The following CELF2 variants were observed in gnomAD, a reference collection of about 807,000 sequenced individuals.
CELF2 encodes the protein CUG triplet repeat RNA-binding protein 2.
Under a neutral mutation model 62.6 loss-of-function variants are expected in CELF2, and 8 were observed. The observed-to-expected ratio is 0.13, with a 90% CI of 0.07 to 0.23. The LOEUF (loss-of-function observed/expected upper bound fraction) is 0.23, where lower values mean the gene tolerates loss of function less well. CELF2 is among the 10% of genes least tolerant of loss of function. The probability of loss-of-function intolerance (pLI) is 1.00; values close to 1 mark genes in which losing one functional copy is unlikely to be tolerated. For synonymous variants in CELF2, 258 were observed against 250.0 expected, an observed-to-expected ratio of 1.03 and a Z score of -0.30; for missense variants, 333 against 671.0, an observed-to-expected ratio of 0.50 and a Z score of 5.56.
chr10:11,144,902 A>C (rs1407872630), intron 1 of CELF2, among the ~76,000 whole-genome samples: 3 of 125,754 alleles, frequency 2.4e-5, no homozygotes, highest in Non-Finnish European at 5.1e-5. Flanking sequence ...AGGAAACAGA[A>C]AAAAAAAAAA....
the CELF2 span, among the ~76,000 whole-genome samples, chr10:10,468,829 A>G: frequency 2.0e-5 from 3 of 151,900 alleles, no homozygotes; most frequent in Middle Eastern, 3.2e-3. Context: ...AGCATCAGTG[A>G]TCTCATTCTT....
chr10:10,882,668 C>T (rs1367756875), intron 1 of CELF2, among the ~76,000 whole-genome samples: 1 of 152,172 alleles, frequency 6.6e-6, no homozygotes, highest in Non-Finnish European at 1.5e-5. Context: ...GGGAAAATAT[C>T]ATACTTAATG....
the CELF2 span, among the ~76,000 whole-genome samples, chr10:10,510,714 A>T: frequency 3.3e-5 from 5 of 152,024 alleles, no homozygotes; most frequent in African/African-American, 1.2e-4. Context: ...GTATCAGATA[A>T]TGATAAGTGT....
chr10:10,479,618 A>G, the CELF2 span, among the ~76,000 whole-genome samples: 1 of 152,188 alleles, frequency 6.6e-6, no homozygotes, highest in Non-Finnish European at 1.5e-5. Flanking sequence ...TTTCTAAGGT[A>G]GGGTCTGATT....
intron 1 of CELF2, among the ~76,000 whole-genome samples, chr10:10,802,132 T>A (rs1590517220): frequency 1.3e-5 from 2 of 152,262 alleles, no homozygotes; most frequent in South Asian, 4.2e-4. Flanking sequence ...AAAGTATTCT[T>A]GGTACACAGA....
At chr10:10,977,152 A>C (rs895701645) in intron 2 of CELF2, among the ~76,000 whole-genome samples, 1 of 152,212 alleles carries the variant, frequency 6.6e-6, no homozygotes, top group Non-Finnish European at 1.5e-5. Flanking sequence ...GGATTCCAGA[A>C]CCTGAAGCTG....
intron 2 of CELF2, among the ~76,000 whole-genome samples, chr10:11,186,686 A>G (rs2075028866): frequency 1.3e-5 from 2 of 152,174 alleles, no homozygotes; most frequent in Admixed American, 6.5e-5. Flanking sequence ...TTTTTTCAGT[A>G]CTGACATGAT....
the CELF2 span, among the ~76,000 whole-genome samples, chr10:10,477,952 TG>T: frequency 6.6e-6 from 1 of 152,192 alleles, no homozygotes; most frequent in African/African-American, 2.4e-5. Flanking sequence ...TCAGAATATC[TG>T]TAATACAATT....
At chr10:11,101,883 G>A (rs1359440463) in intron 1 of CELF2, among the ~76,000 whole-genome samples, 1 of 152,148 alleles carries the variant, frequency 6.6e-6, no homozygotes, top group Non-Finnish European at 1.5e-5. Context: ...AATAATGACA[G>A]GAAAATATCA....
At chr10:10,746,556 T>C in the CELF2 span, among the ~76,000 whole-genome samples, 2 of 152,198 alleles carry the variant, frequency 1.3e-5, no homozygotes, top group Non-Finnish European at 2.9e-5. Flanking sequence ...AGCCTGAAAA[T>C]TGAGTTCTAA....
At chr10:10,555,743 C>A in the CELF2 span, among the ~76,000 whole-genome samples, 2 of 152,144 alleles carry the variant, frequency 1.3e-5, no homozygotes, top group Non-Finnish European at 2.9e-5. Context: ...CACACACATG[C>A]ACTCACACTC....
chr10:11,196,034 GA>G (rs5783195), intron 2 of CELF2, among the ~76,000 whole-genome samples: 3,264 of 146,594 alleles, frequency 0.022, 101 homozygotes, highest in African/African-American at 0.074. Flanking sequence ...AGGCAGGGGA[GA>G]AAAAAAAAAA....
intron 1 of CELF2, among the ~76,000 whole-genome samples, chr10:10,903,595 A>T (rs956862881): frequency 1.3e-5 from 2 of 152,230 alleles, no homozygotes; most frequent in East Asian, 3.8e-4. Context: ...TTGACTCCGT[A>T]CATATTTCAG....
chr10:10,585,333 C>G, the CELF2 span, among the ~76,000 whole-genome samples: 10 of 152,308 alleles, frequency 6.6e-5, no homozygotes, highest in African/African-American at 2.2e-4. Flanking sequence ...GACTGGCCCA[C>G]AGCCATTCAT....
At chr10:10,837,171 G>A (rs148103684) in intron 1 of CELF2, among the ~76,000 whole-genome samples, 4 of 152,150 alleles carry the variant, frequency 2.6e-5, no homozygotes, top group African/African-American at 9.7e-5. Flanking sequence ...ACACGTTGTG[G>A]GAGGGACCCA....
chr10:10,740,231 C>T, the CELF2 span, among the ~76,000 whole-genome samples: 2 of 114,938 alleles, frequency 1.7e-5, no homozygotes, highest in African/African-American at 6.7e-5. Flanking sequence ...CCTGTGTTTT[C>T]TTCTAGTAGT....
At chr10:10,660,704 TA>T in the CELF2 span, among the ~76,000 whole-genome samples, 1 of 152,220 alleles carries the variant, frequency 6.6e-6, no homozygotes, top group Middle Eastern at 3.2e-3. Flanking sequence ...CTAAAATGTG[TA>T]ATAGAAGAAA....
In CELF2 at chr10:10,933,930, T is replaced by C. The variant is rs545098356; in HGVS notation, c.89+13931T>C. Among the ~76,000 whole-genome samples, 11 of 152,338 alleles carry C rather than the reference T, an allele frequency of 7.2e-5. No individual in the cohort carries two copies. In the South Asian group the frequency reaches 2.3e-3, roughly 32 times the overall value. ...GGGAGTGCAGATATGTCCTGACGTA[T>C]TGATTTCAATTCCTTTGCATATTTA... On this transcript the variant is annotated intron_variant, in intron 2 of 13. Coordinates refer to the CELF2 transcript ENST00000636488.
At chr10:11,138,441 C>T (rs1027586981) in intron 1 of CELF2, among the ~76,000 whole-genome samples, 4 of 152,188 alleles carry the variant, frequency 2.6e-5, no homozygotes, top group African/African-American at 7.2e-5. Flanking sequence ...CTGTTCAAGA[C>T]GGTACAGCTT....
Sources: allele counts gnomAD v4.1 joint callset (sites outside exome capture counted in the v4.1 genomes callset), GRCh38; gene constraint gnomAD v4.1.1; transcripts MANE v1.5; gene names NCBI Gene and HGNC (gene_info 2026-07-23, HGNC 2026-07-21).